ARHGAP10: variants seen among roughly 807,000 people sequenced by gnomAD.
ARHGAP10 encodes the protein rho GTPase-activating protein 10.
ARHGAP10 carries 87 observed loss-of-function variants against 108.6 expected under a neutral mutation model. That is an observed-to-expected ratio of 0.80 (90% confidence interval 0.67 to 0.96). The LOEUF (loss-of-function observed/expected upper bound fraction) is 0.96. ARHGAP10 is among the 40% of genes least tolerant of loss of function. The probability of loss-of-function intolerance (pLI) is 0.00; values close to 1 mark genes in which losing one functional copy is unlikely to be tolerated. For synonymous variants in ARHGAP10, 347 were observed against 341.1 expected (o/e 1.02, Z -0.19); for missense variants, 939 against 954.5 (o/e 0.98, Z 0.21).
intron 13 of ARHGAP10, among the ~76,000 whole-genome samples, chr4:147,931,353 A>G (rs1389174588): frequency 1.3e-5 from 2 of 151,950 alleles, no homozygotes; most frequent in Admixed American, 6.6e-5. Context: ...CACATTGACC[A>G]GGTTACAAAT....
chr4:147,879,171 A>C, intron 8 of ARHGAP10, 61 bp from the exon 9 acceptor site: 1 of 1,407,244 alleles, frequency 7.1e-7, no homozygotes, highest in East Asian at 2.3e-5. Flanking sequence ...TAATGTGTTT[A>C]TAGCTCTGCA....
At chr4:147,944,037 C>T (rs1738275849) in intron 14 of ARHGAP10, among the ~76,000 whole-genome samples, 1 of 152,100 alleles carries the variant, frequency 6.6e-6, no homozygotes, top group Non-Finnish European at 1.5e-5. Context: ...TTAGAAGCCT[C>T]TTGGATTTTA....
rs532512066 is a variant in ARHGAP10 at position 147,897,947 on chromosome 4, G to A, written c.1035-8691G>A. Among the ~76,000 whole-genome samples the A allele has an allele frequency of 3.9e-3, 589 of 152,172 alleles. 2 individuals carry two copies. Among genetic ancestry groups the A allele is most frequent in the African/African-American group, 0.014 (568 of 41,504 alleles). ...CAGCTCACTGCTAGCTCTGCCTCCT[G>A]GGTTCACGCCATTCTCCTGCCTCAG... On this transcript the variant is annotated intron_variant, in intron 10 of 22. Coordinates refer to ENST00000336498, the MANE Select transcript of ARHGAP10 (RefSeq NM_024605.4).
chr4:148,008,482 G>T (rs570999444), intron 18 of ARHGAP10, among the ~76,000 whole-genome samples: 4 of 151,472 alleles, frequency 2.6e-5, no homozygotes, highest in Non-Finnish European at 5.9e-5. Context: ...GGGGGTGGTG[G>T]TACTGCTGGT....
intron 3 of ARHGAP10, among the ~76,000 whole-genome samples, chr4:147,845,705 A>G (rs535269146): frequency 1.3e-5 from 2 of 152,340 alleles, no homozygotes; most frequent in East Asian, 1.9e-4. Context: ...ATTTGGGATC[A>G]CTAGTTGGGT....
In ARHGAP10 at chr4:148,052,425, CA is replaced by C. The variant is rs537815151; in HGVS notation, c.2027+5378del. Among the ~76,000 whole-genome samples the C allele has an allele frequency of 6.4e-3, 819 of 127,580 alleles. 13 individuals are homozygous for C. The highest frequency in any genetic ancestry group is 0.025 in the African/African-American group (770 of 31,052). The allele number at this position is 127,580 out of a possible 152,430, so 83.7% of individuals were successfully genotyped here. A position where few individuals can be genotyped will look rare whatever the true frequency, so the allele number is the denominator to read the frequency against. On this transcript the variant is annotated intron_variant, in intron 20 of 22. Transcript: ENST00000336498. Reference sequence around the variant, plus strand: ...TTTTTTTTTTTTTGGGCTAATTGACCAAAATGAACATATACTGCTTTTGTAA... The same window carrying C: ...TTTTTTTTTTTTTGGGCTAATTGACCAAATGAACATATACTGCTTTTGTAA...
intron 1 of ARHGAP10, among the ~76,000 whole-genome samples, chr4:147,804,053 A>G (rs1021263301): frequency 2.0e-5 from 3 of 149,546 alleles, no homozygotes; most frequent in Non-Finnish European, 4.4e-5. Flanking sequence ...TTATATAGGT[A>G]AACTGTGTGT....
chr4:148,045,738 C>CA lies in ARHGAP10; in HGVS notation c.1868-1127dup, dbSNP rs11363800. On this transcript the variant is annotated intron_variant, in intron 19 of 22. Coordinates refer to ENST00000336498, the MANE Select transcript of ARHGAP10 (RefSeq NM_024605.4). ...GGGCAGCAAGAACGAAACTCCATCTCAAAAAAAAAAAAAAAAAAAAAAAAA... is the reference window on the plus strand; with the variant it reads ...GGGCAGCAAGAACGAAACTCCATCTCAAAAAAAAAAAAAAAAAAAAAAAAAA... Among the ~76,000 whole-genome samples the CA allele has an allele frequency of 8.3e-3, 477 of 57,492 alleles. 22 individuals are homozygous for CA. Among genetic ancestry groups the CA allele is most frequent in the African/African-American group, 0.026 (343 of 13,336 alleles). The allele number at this position is 57,492 out of a possible 152,430, so 37.7% of individuals were successfully genotyped here. A position where few individuals can be genotyped will look rare whatever the true frequency, so the allele number is the denominator to read the frequency against.
At chr4:147,816,743 A>G (rs992971363) in intron 1 of ARHGAP10, among the ~76,000 whole-genome samples, 8 of 152,346 alleles carry the variant, frequency 5.3e-5, no homozygotes, top group African/African-American at 7.2e-5. Flanking sequence ...CCATTTTTGC[A>G]TATAGTACCA....
chr4:148,045,539 C>T (rs1318464831), intron 19 of ARHGAP10, among the ~76,000 whole-genome samples: 1 of 151,648 alleles, frequency 6.6e-6, no homozygotes, highest in African/African-American at 2.4e-5. Flanking sequence ...GTCAGGAGTT[C>T]GAGACCAGCC....
intron 7 of ARHGAP10, among the ~76,000 whole-genome samples, chr4:147,873,890 G>GGA (rs1553959043): frequency 5.1e-5 from 7 of 138,440 alleles, no homozygotes; most frequent in East Asian, 2.3e-4. Flanking sequence ...AAAAAAAAAA[G>GGA]GGGGGATAAG....
At chr4:147,990,086 A>T (rs1259002163) in intron 18 of ARHGAP10, among the ~76,000 whole-genome samples, 1 of 152,180 alleles carries the variant, frequency 6.6e-6, no homozygotes, top group Non-Finnish European at 1.5e-5. Context: ...TGCCTGAATG[A>T]GGAGGAGGAA....
At chr4:147,971,093 CAAAAAAAA>C (rs59721708) in intron 18 of ARHGAP10, among the ~76,000 whole-genome samples, 1 of 74,272 alleles carries the variant, frequency 1.3e-5, no homozygotes, top group Non-Finnish European at 2.8e-5. Flanking sequence ...GACTCTGTCT[CAAAAAAAA>C]AAAAAAAAAA....
intron 18 of ARHGAP10, among the ~76,000 whole-genome samples, chr4:148,022,289 A>G (rs1741598581): frequency 6.6e-6 from 1 of 152,186 alleles, no homozygotes; most frequent in African/African-American, 2.4e-5. Context: ...TAAGCCCCAC[A>G]TACATTAGGT....
chr4:148,066,278 C>T (rs569819647), intron 22 of ARHGAP10, among the ~76,000 whole-genome samples: 1 of 152,300 alleles, frequency 6.6e-6, no homozygotes, highest in East Asian at 1.9e-4. Flanking sequence ...CTAGTTTACC[C>T]ATCCTCACAT....
intron 1 of ARHGAP10, among the ~76,000 whole-genome samples, chr4:147,754,810 C>T (rs886234904): frequency 1.4e-3 from 215 of 152,096 alleles, no homozygotes; most frequent in Non-Finnish European, 1.9e-4. Context: ...ATATTAAAAT[C>T]CGGCTGGGCG....
At chr4:148,022,704 G>C (rs756637039) in intron 18 of ARHGAP10, among the ~76,000 whole-genome samples, 2 of 152,214 alleles carry the variant, frequency 1.3e-5, no homozygotes, top group Admixed American at 1.3e-4. Flanking sequence ...AAATAAAAGA[G>C]GGGTTAGAGG....
At chr4:147,796,579 C>T (rs991364517) in intron 1 of ARHGAP10, among the ~76,000 whole-genome samples, 1 of 152,000 alleles carries the variant, frequency 6.6e-6, no homozygotes, top group African/African-American at 2.4e-5. Context: ...GGCTGGAATG[C>T]AGTGGTGTCA....
At chr4:148,026,682 C>G (rs1177148908) in intron 19 of ARHGAP10, among the ~76,000 whole-genome samples, 1 of 152,098 alleles carries the variant, frequency 6.6e-6, no homozygotes, top group Non-Finnish European at 1.5e-5. Context: ...GCTGTTAAAT[C>G]TTTGTGAGAT....
Sources: gnomAD v4.1 joint callset for allele counts (sites outside exome capture counted in the v4.1 genomes callset) on GRCh38, gnomAD v4.1.1 for gene constraint, MANE v1.5 for transcripts, NCBI Gene and HGNC (gene_info 2026-07-23, HGNC 2026-07-21) for gene names.